EIPR1: variants seen among roughly 807,000 people sequenced by gnomAD.
EIPR1 encodes the protein EARP complex and GARP complex interacting protein 1, also known as EARP and GARP complex-interacting protein 1.
A neutral mutation model predicts 48.1 loss-of-function variants in EIPR1; 25 were observed. That is an observed-to-expected ratio of 0.52 (90% CI 0.38 to 0.73). The LOEUF (loss-of-function observed/expected upper bound fraction) is 0.73. Ranked by LOEUF, EIPR1 falls within the 30% of genes least tolerant of loss-of-function variation. The pLI is 0.00. For missense variants in EIPR1, 415 were observed against 506.2 expected (o/e 0.82, Z 1.73); for synonymous variants, 204 against 201.9 (o/e 1.01, Z -0.09).
chr2:3,343,880 A>G (rs964906908), intron 2 of EIPR1, among the ~76,000 whole-genome samples: 7 of 152,124 alleles, frequency 4.6e-5, no homozygotes, highest in African/African-American at 1.4e-4. Context: ...TTCTAAACTG[A>G]AAGTTTAAAA....
intron 8 of EIPR1, among the ~76,000 whole-genome samples, chr2:3,191,679 C>T (rs556237384): frequency 6.6e-6 from 1 of 152,198 alleles, no homozygotes; most frequent in African/African-American, 2.4e-5. Context: ...CTAGTCACCC[C>T]CCAGGAAGCG....
At chr2:3,202,622 A>C (rs1665087497) in intron 5 of EIPR1, among the ~76,000 whole-genome samples, 2 of 152,218 alleles carry the variant, frequency 1.3e-5, no homozygotes, top group Admixed American at 1.3e-4. Flanking sequence ...GAAACACCAC[A>C]GGGCCATTCC....
At chr2:3,335,817 C>G (rs529957053) in intron 3 of EIPR1, among the ~76,000 whole-genome samples, 90 of 152,300 alleles carry the variant, frequency 5.9e-4, no homozygotes, top group African/African-American at 1.9e-3. Flanking sequence ...CGTCACCCCC[C>G]ACTGTGATTG....
intron 6 of EIPR1, among the ~76,000 whole-genome samples, chr2:3,196,223 G>A (rs574535025): frequency 6.2e-4 from 95 of 152,280 alleles, no homozygotes; most frequent in African/African-American, 2.2e-3. Context: ...GAATCAACAC[G>A]AGTTATTGCA....
At position 3,216,117 on chromosome 2, in the gene EIPR1, A is replaced by G. The variant is rs568187972; in HGVS notation, c.417-1869T>C. Among the ~76,000 whole-genome samples, 12 of 152,346 alleles carry G rather than the reference A, an allele frequency of 7.9e-5. No homozygotes were observed. The East Asian group carries it at 1.9e-3, about 24-fold the overall frequency. Reference sequence around the variant, plus strand: ...CGTAGCCCAGTTACTGCAGGTAAACATAGGTAGAGTTCGGACAGCTTGATA... The same window carrying G: ...CGTAGCCCAGTTACTGCAGGTAAACGTAGGTAGAGTTCGGACAGCTTGATA... On this transcript the variant is annotated intron_variant, in intron 4 of 8. Coordinates refer to ENST00000382125, the MANE Select transcript of EIPR1 (RefSeq NM_003310.5).
intron 3 of EIPR1, among the ~76,000 whole-genome samples, chr2:3,324,840 G>T (rs531932898): frequency 4.6e-5 from 7 of 152,198 alleles, no homozygotes; most frequent in African/African-American, 7.2e-5. Context: ...CAGCACCTCG[G>T]GGGGAGGGCC....
chr2:3,299,603 T>C (rs916277348), intron 3 of EIPR1, among the ~76,000 whole-genome samples: 1 of 145,282 alleles, frequency 6.9e-6, no homozygotes, highest in African/African-American at 2.6e-5. Context: ...GGAAAATATT[T>C]TCTCTCTCTC....
chr2:3,308,386 T>C (rs1214569172), intron 3 of EIPR1, among the ~76,000 whole-genome samples: 3 of 152,024 alleles, frequency 2.0e-5, no homozygotes, highest in East Asian at 3.9e-4. Context: ...AGATGAAAGA[T>C]ATAAAAAAGA....
chr2:3,247,444 T>C (rs936162391), intron 4 of EIPR1, among the ~76,000 whole-genome samples: 1 of 152,224 alleles, frequency 6.6e-6, no homozygotes, highest in Non-Finnish European at 1.5e-5. Context: ...ATGGTGATGA[T>C]GATGCATTGT....
At chr2:3,246,836 G>C (rs1240727819) in intron 4 of EIPR1, among the ~76,000 whole-genome samples, 1 of 58,170 alleles carries the variant, frequency 1.7e-5, no homozygotes, top group Non-Finnish European at 3.4e-5. Context: ...AGGGAGGGAA[G>C]GAGGAAGGGA....
At chr2:3,346,380 T>C (rs1054566387) in intron 2 of EIPR1, among the ~76,000 whole-genome samples, 13 of 152,210 alleles carry the variant, frequency 8.5e-5, no homozygotes, top group Non-Finnish European at 2.9e-5. Flanking sequence ...TGTCTGAAAA[T>C]GTAATAGATG....
At chr2:3,243,162 G>A (rs759104921) in intron 4 of EIPR1, among the ~76,000 whole-genome samples, 5 of 152,244 alleles carry the variant, frequency 3.3e-5, no homozygotes, top group Non-Finnish European at 4.4e-5. Flanking sequence ...AAATAACCCC[G>A]TTTAAAGTCT....
chr2:3,192,444 C>G lies in EIPR1; in HGVS notation c.959G>C (p.Ser320Thr). 6.2e-7 allele frequency: 1 copy of G among 1,612,634 alleles called. No individual in the cohort carries two copies. Among genetic ancestry groups the G allele is most frequent in the Non-Finnish European group, 8.5e-7 (1 of 1,179,532 alleles). Residue 320 changes from serine to threonine, a missense_variant, in exon 8 of 9, where the codon AGT (serine) becomes ACT (threonine). Ser to Thr is a moderately conservative substitution (Grantham distance 58). Coordinates refer to ENST00000382125, the MANE Select transcript of EIPR1 (RefSeq NM_003310.5). ...FGHLVDDDDI[S>T]DQEDHRSEEK... ...TTCAGAACGGTGGTCCTCCTGGTCA[C>G]TGATGTCATCGTCGTCTACCAAGTG... is the stretch of plus-strand genomic sequence containing the variant.
In EIPR1 at chr2:3,377,752, G is replaced by T. The variant is rs1008217298; in HGVS notation, c.-63C>A. On this transcript the variant is annotated 5_prime_UTR_variant, in exon 1 of 9. Coordinates refer to ENST00000382125, the MANE Select transcript of EIPR1 (RefSeq NM_003310.5). ...CTAAGGACCTCGCTACGGCCGGCGC[G>T]TCCCCACCTCGCGGGCGTGTTCCCA... 61 of 1,542,800 alleles carry T rather than the reference G, an allele frequency of 4.0e-5. No homozygotes were observed. Among genetic ancestry groups the T allele is most frequent in the Middle Eastern group, 1.8e-4 (1 of 5,652 alleles).
At position 3,192,454 on chromosome 2, in the gene EIPR1, C is replaced by T. The variant is rs778174268; in HGVS notation, c.949G>A (p.Asp317Asn). The T allele has an allele frequency of 1.4e-5, 22 of 1,612,738 alleles. No homozygotes were observed. Among genetic ancestry groups the T allele is most frequent in the East Asian group, 8.9e-5 (4 of 44,856 alleles). ...SEPFGHLVDD[D>N]DISDQEDHRS... ...TGGTCCTCCTGGTCACTGATGTCAT[C>T]GTCGTCTACCAAGTGGCCGAAGGGC... The change falls in exon 8 of 9, where the codon GAT (aspartate) becomes AAT (asparagine). Residue 317 changes from aspartate (D) to asparagine (N), a missense_variant. Asp to Asn is a conservative substitution (Grantham distance 23). Transcript: ENST00000382125.
intron 1 of EIPR1, among the ~76,000 whole-genome samples, chr2:3,361,076 A>G (rs1670840611): frequency 6.6e-6 from 1 of 152,360 alleles, no homozygotes. Context: ...AATGCAGTCA[A>G]AGAATTGAAG....
chr2:3,366,917 G>A (rs1670987072), intron 1 of EIPR1, among the ~76,000 whole-genome samples: 1 of 152,008 alleles, frequency 6.6e-6, no homozygotes, highest in South Asian at 2.1e-4. Context: ...GCCAGGTGTG[G>A]TGGCACACAC....
intron 3 of EIPR1, among the ~76,000 whole-genome samples, chr2:3,279,865 C>G (rs1667965214): frequency 6.6e-6 from 1 of 152,248 alleles, no homozygotes; most frequent in Non-Finnish European, 1.5e-5. Context: ...TCAAACACCT[C>G]TCACTTATAT....
At chr2:3,219,182 A>G (rs1343826739) in intron 4 of EIPR1, among the ~76,000 whole-genome samples, 50 of 123,044 alleles carry the variant, frequency 4.1e-4, no homozygotes, top group East Asian at 8.2e-4. Context: ...GCCCTGATAC[A>G]CTCTAGAGCT....
Sources: gnomAD v4.1 joint callset for allele counts (sites outside exome capture counted in the v4.1 genomes callset) on GRCh38, gnomAD v4.1.1 for gene constraint, MANE v1.5 for transcripts, NCBI Gene and HGNC (gene_info 2026-07-23, HGNC 2026-07-21) for gene names.